The following PKD1L1 variants were observed in gnomAD, a reference collection of about 807,000 sequenced individuals.
PKD1L1 encodes the protein polycystin-1-like protein 1.
Under a neutral mutation model 323.4 loss-of-function variants are expected in PKD1L1, and 236 were observed. The observed-to-expected ratio is 0.73, with a 90% CI of 0.66 to 0.81. PKD1L1 has a LOEUF of 0.81. PKD1L1 is among the 40% of genes least tolerant of loss of function. The probability of loss-of-function intolerance (pLI) is 0.00; values close to 1 mark genes in which losing one functional copy is unlikely to be tolerated. For synonymous variants in PKD1L1, 1,344 were observed against 1,335.0 expected (o/e 1.01, Z -0.15); for missense variants, 3,320 against 3,508.0 (o/e 0.95, Z 1.35).
intron 32 of PKD1L1, among the ~76,000 whole-genome samples, chr7:47,845,609 A>T (rs912928056): frequency 6.6e-6 from 1 of 152,090 alleles, no homozygotes; most frequent in East Asian, 1.9e-4. Flanking sequence ...TTTGTTTTTG[A>T]GATGGAGTCT....
At chr7:47,794,454 T>C (rs560576400) in intron 55 of PKD1L1, among the ~76,000 whole-genome samples, 1 of 152,276 alleles carries the variant, frequency 6.6e-6, no homozygotes, top group Non-Finnish European at 1.5e-5. Flanking sequence ...CCATGTGGTA[T>C]TGAGCCTATG....
At chr7:47,913,328 A>C (rs1257649647) in intron 8 of PKD1L1, among the ~76,000 whole-genome samples, 2 of 152,194 alleles carry the variant, frequency 1.3e-5, no homozygotes, top group Admixed American at 1.3e-4. Flanking sequence ...GACCGAATAT[A>C]TTAGCTCTAG....
chr7:47,786,839 C>G (rs73329456), intron 56 of PKD1L1, among the ~76,000 whole-genome samples: 2,476 of 152,118 alleles, frequency 0.016, 75 homozygotes, highest in African/African-American at 0.057. Flanking sequence ...GAGGTCTCTT[C>G]GGGGTCCAAG....
chr7:47,897,296 G>A (rs1366361978), intron 14 of PKD1L1, among the ~76,000 whole-genome samples: 2 of 152,176 alleles, frequency 1.3e-5, no homozygotes, highest in Non-Finnish European at 2.9e-5. Flanking sequence ...AAGCTCCTTC[G>A]CTGCAGATAT....
At chr7:47,815,540 CA>C in intron 46 of PKD1L1, 83 bp from the exon 47 acceptor site, 7 of 1,463,536 alleles carry the variant, frequency 4.8e-6, no homozygotes, top group Non-Finnish European at 6.6e-6. Context: ...GTTTTCTTGC[CA>C]ATTTTTCTCT....
chr7:47,795,413 G>C (rs1397410942), intron 55 of PKD1L1: 1 of 454,016 alleles, frequency 2.2e-6, no homozygotes. Flanking sequence ...CTCCCACCAT[G>C]AACCTGAGGC....
intron 45 of PKD1L1, among the ~76,000 whole-genome samples, chr7:47,825,923 G>T (rs1583599315): frequency 6.6e-6 from 1 of 151,356 alleles, no homozygotes; most frequent in South Asian, 2.1e-4. Context: ...GCTTTCTCTG[G>T]GCCTGTTCTG....
intron 15 of PKD1L1, among the ~76,000 whole-genome samples, chr7:47,892,487 G>T (rs999436957): frequency 6.6e-6 from 1 of 152,090 alleles, no homozygotes; most frequent in Non-Finnish European, 1.5e-5. Context: ...GTAAAAAGGG[G>T]GTGCTGGAGG....
At chr7:47,907,648 C>T (rs1787233993) in intron 9 of PKD1L1, among the ~76,000 whole-genome samples, 1 of 152,178 alleles carries the variant, frequency 6.6e-6, no homozygotes, top group Non-Finnish European at 1.5e-5. Flanking sequence ...TAGCTCAAGG[C>T]CATGCTGTCT....
chr7:47,845,327 C>A (rs1785643370), intron 32 of PKD1L1, among the ~76,000 whole-genome samples: 1 of 152,210 alleles, frequency 6.6e-6, no homozygotes, highest in Non-Finnish European at 1.5e-5. Context: ...TCCTGAGATG[C>A]AAGACTCCAC....
chr7:47,852,400 A>G (rs1442091986), intron 31 of PKD1L1, among the ~76,000 whole-genome samples: 1 of 152,254 alleles, frequency 6.6e-6, no homozygotes, highest in African/African-American at 2.4e-5. Context: ...TTTAAAAGAA[A>G]CAAATACTGG....
chr7:47,806,655 T>A (rs1562938756), intron 52 of PKD1L1, among the ~76,000 whole-genome samples: 1 of 152,216 alleles, frequency 6.6e-6, no homozygotes, highest in Non-Finnish European at 1.5e-5. Context: ...GTAAACCAAA[T>A]AATTGCTTAA....
intron 40 of PKD1L1, among the ~76,000 whole-genome samples, chr7:47,833,742 C>T (rs1429972278): frequency 6.6e-6 from 1 of 152,156 alleles, no homozygotes; most frequent in South Asian, 2.1e-4. Context: ...ACCATGTGTG[C>T]CCTCACAGGT....
intron 4 of PKD1L1, among the ~76,000 whole-genome samples, chr7:47,935,472 C>T (rs1159764688): frequency 6.6e-6 from 1 of 152,210 alleles, no homozygotes; most frequent in African/African-American, 2.4e-5. Flanking sequence ...GACCTGGGCC[C>T]ACGCATCCAA....
At chr7:47,901,327 CA>C (rs71699736) in intron 13 of PKD1L1, among the ~76,000 whole-genome samples, 10,009 of 62,710 alleles carry the variant, frequency 0.16, 179 homozygotes, top group East Asian at 0.28. Context: ...AACAGAGTCT[CA>C]AAAAAAAAAA....
At chr7:47,870,152 C>T (rs1786249037) in intron 24 of PKD1L1, among the ~76,000 whole-genome samples, 1 of 148,576 alleles carries the variant, frequency 6.7e-6, no homozygotes. Flanking sequence ...AATCAATAAT[C>T]TAATTTTTCA....
chr7:47,890,715 G>A lies in PKD1L1; in HGVS notation c.2502C>T (p.Phe834=), dbSNP rs146472427. Residue 834 remains phenylalanine (F), a synonymous_variant, in exon 16 of 57, where the codon TTC becomes TTT. Coordinates refer to ENST00000289672, the MANE Select transcript of PKD1L1 (RefSeq NM_138295.5). ...ATAGSPAHPC[F]DSSTAHQLDA... ...CCAGTTGGTGTGCAGTGGAGGAGTC[G>A]AAGCAGGGATGTGCTGGGGAGCCAG... is the stretch of plus-strand genomic sequence containing the variant. 1.8e-5 allele frequency: 29 copies of A among 1,613,198 alleles called. No homozygotes were observed. The highest frequency in any genetic ancestry group is 2.2e-5 in the South Asian group (2 of 91,036).
At chr7:47,885,424 G>A (rs2128747674) in intron 18 of PKD1L1, among the ~76,000 whole-genome samples, 1 of 152,312 alleles carries the variant, frequency 6.6e-6, no homozygotes, top group Non-Finnish European at 1.5e-5. Context: ...AACAACTACT[G>A]TAGCACAGAC....
chr7:47,886,161 T>A, intron 17 of PKD1L1, 107 bp from the exon 18 acceptor site: 1 of 1,408,148 alleles, frequency 7.1e-7, no homozygotes, highest in Admixed American at 2.5e-5. Flanking sequence ...ACAAATCTGT[T>A]GTGAATTTGA....
Sources: allele counts gnomAD v4.1 joint callset (sites outside exome capture counted in the v4.1 genomes callset), GRCh38; gene constraint gnomAD v4.1.1; transcripts MANE v1.5; gene names NCBI Gene and HGNC (gene_info 2026-07-23, HGNC 2026-07-21).